POLN: variants seen among roughly 807,000 people sequenced by gnomAD.
POLN encodes DNA polymerase nu.
Under a neutral mutation model 113.5 loss-of-function variants are expected in POLN, and 108 were observed. The ratio of observed to expected loss-of-function variants is 0.95; its 90% CI spans 0.81 to 1.12. The LOEUF (loss-of-function observed/expected upper bound fraction) is 1.12. Among genes scored for constraint, POLN ranks in the 50% most tolerant of loss-of-function variants. The probability of loss-of-function intolerance (pLI) is 0.00; values close to 1 mark genes in which losing one functional copy is unlikely to be tolerated. For synonymous variants in POLN, 386 were observed against 391.5 expected, an observed-to-expected ratio of 0.99 and a Z score of 0.17; for missense variants, 1,097 against 1,077.1, an observed-to-expected ratio of 1.02 and a Z score of -0.26.
chr4:2,093,862 G>A lies in POLN; in HGVS notation c.2065+1989C>T, dbSNP rs1248222107. On this transcript the variant is annotated intron_variant, in intron 20 of 25. Transcript: ENST00000511885. This position sits in a 1 kb window ranked among gnomAD's most constrained non-coding sequence, Gnocchi z 4.1. ...TCAAAATGTTTTCAAAAGTGGAGCTGAGACCACCAAGTCCACTAATTTGTT... is the reference window on the plus strand; with the variant it reads ...TCAAAATGTTTTCAAAAGTGGAGCTAAGACCACCAAGTCCACTAATTTGTT... 1.3e-5 allele frequency among the ~76,000 whole-genome samples: 2 copies of A among 152,204 alleles called. No homozygotes were observed. The highest frequency in any genetic ancestry group is 1.5e-5 in the Non-Finnish European group (1 of 68,034).
rs1730164199 is a variant in POLN, at chr4:2,072,253, A to G, written c.2564T>C (p.Leu855Pro). 2.5e-6 allele frequency: 4 copies of G among 1,598,130 alleles called. No individual in the cohort carries two copies. Among genetic ancestry groups the G allele is most frequent in the Non-Finnish European group, 3.4e-6 (4 of 1,171,932 alleles). Residue 855 changes from leucine (L) to proline (P), a missense_variant, in exon 26 of 26, where the codon CTG (leucine) becomes CCG (proline). Coordinates refer to ENST00000511885, the MANE Select transcript of POLN (RefSeq NM_181808.4). The part of the protein sequence containing the change: ...SLSAGRSWGH[L>P]VPLQEAWGPP... ...GCCCCAGGCCTCCTGCAGTGGCACC[A>G]GGTGTCCCCATGAGCGGCCGGCACT...
At chr4:2,181,556 G>T (rs935382528) in intron 7 of POLN, among the ~76,000 whole-genome samples, 2 of 151,786 alleles carry the variant, frequency 1.3e-5, no homozygotes, top group Admixed American at 1.3e-4. Context: ...AACTGAAAAT[G>T]GATTCTGGAT....
chr4:2,236,400 C>T, intron 2 of POLN: 1 of 1,613,756 alleles, frequency 6.2e-7, no homozygotes, highest in Non-Finnish European at 8.5e-7. Flanking sequence ...CTCAAGGTTT[C>T]CATGAGTTAG....
chr4:2,194,456 G>A (rs1382779205), intron 6 of POLN, among the ~76,000 whole-genome samples: 2 of 152,098 alleles, frequency 1.3e-5, no homozygotes, highest in South Asian at 2.1e-4. Flanking sequence ...CTTGAAAAGG[G>A]CGACCAGGAT....
intron 2 of POLN, among the ~76,000 whole-genome samples, chr4:2,235,938 GA>G (rs888972073): frequency 2.0e-5 from 3 of 149,540 alleles, no homozygotes; most frequent in African/African-American, 4.9e-5. Context: ...TAAGATGAGT[GA>G]AAAAAAAATA....
At chr4:2,081,330 G>A (rs559982541) in intron 22 of POLN, 7 of 758,354 alleles carry the variant, frequency 9.2e-6, no homozygotes, top group East Asian at 2.8e-5. Context: ...AAGGAACTGA[G>A]CTCCAGGTCT....
intron 11 of POLN, among the ~76,000 whole-genome samples, chr4:2,172,112 C>T (rs188594529): frequency 5.3e-5 from 8 of 152,156 alleles, no homozygotes; most frequent in South Asian, 4.1e-4. Context: ...AAAAGCTAAT[C>T]GATCCCACTA....
chr4:2,190,085 C>T (rs907956347), intron 7 of POLN, among the ~76,000 whole-genome samples: 5 of 150,672 alleles, frequency 3.3e-5, no homozygotes, highest in Non-Finnish European at 5.9e-5. Context: ...GAACCAAACA[C>T]CCTGAATAGC....
At chr4:2,095,144 T>G (rs1302745718) in intron 20 of POLN, among the ~76,000 whole-genome samples, 3 of 128,446 alleles carry the variant, frequency 2.3e-5, no homozygotes, top group Admixed American at 8.6e-5. Flanking sequence ...GAAGGGTGAG[T>G]GGAAGAGAGT....
chr4:2,125,970 T>G (rs1731569010), intron 19 of POLN, among the ~76,000 whole-genome samples: 1 of 152,086 alleles, frequency 6.6e-6, no homozygotes, highest in Non-Finnish European at 1.5e-5. Context: ...AGGCCACTCA[T>G]GTGAAAGGAC....
chr4:2,226,400 T>C (rs1002937949), intron 3 of POLN, among the ~76,000 whole-genome samples: 2 of 152,242 alleles, frequency 1.3e-5, no homozygotes, highest in Admixed American at 6.5e-5. Context: ...TAATTTAAAA[T>C]GCCCATGATT....
rs529795822 is a variant in POLN, at chr4:2,131,105, A to G, written c.1789+128T>C. On this transcript the variant is annotated intron_variant, in intron 17 of 25. Transcript: ENST00000511885. The stretch of plus-strand genomic sequence containing the variant: ...GAGATTGAGGTGGGAGAATCACCTG[A>G]GCCCAGGAGGTCAAGGCTGCAGTGA... The G allele has an allele frequency of 4.6e-5, 28 of 612,918 alleles. No individual in the cohort carries two copies. The African/African-American group carries it at 5.1e-4, about 11-fold the overall frequency. The allele number at this position is 612,918 out of a possible 1,614,324, so 38.0% of individuals were successfully genotyped here.
rs759297755 is a variant in POLN, at chr4:2,238,841, T to G, written c.-13+2679A>C. ...TTTTATTAATTGATTTAAAACTAAC[T>G]CTTGTCTTGCTGTATAATAATCTTG... On this transcript the variant is annotated intron_variant, in intron 2 of 25. Transcript: ENST00000511885. The G allele has an allele frequency of 8.7e-6, 14 of 1,613,084 alleles. No individual in the cohort carries two copies. In the South Asian group the frequency reaches 1.4e-4, roughly 16 times the overall value.
chr4:2,135,432 C>T (rs748289901), intron 16 of POLN, among the ~76,000 whole-genome samples: 2 of 152,220 alleles, frequency 1.3e-5, no homozygotes, highest in Non-Finnish European at 2.9e-5. Context: ...CTGTGAATGT[C>T]TGTTCATGTG....
chr4:2,223,055 G>C (rs933056573), intron 3 of POLN, among the ~76,000 whole-genome samples: 3 of 152,192 alleles, frequency 2.0e-5, no homozygotes, highest in African/African-American at 7.2e-5. Context: ...TGGCCTTGGA[G>C]ATCAGAAGAA....
chr4:2,134,364 T>C (rs1731800869), intron 16 of POLN, among the ~76,000 whole-genome samples: 1 of 152,210 alleles, frequency 6.6e-6, no homozygotes. Flanking sequence ...TCAAATTAAT[T>C]TGGTGGATGC....
intron 7 of POLN, among the ~76,000 whole-genome samples, chr4:2,192,180 T>A (rs919220518): frequency 2.6e-5 from 4 of 152,020 alleles, no homozygotes; most frequent in Admixed American, 2.0e-4. Flanking sequence ...ATGCCTACTT[T>A]TGTATATGTT....
At chr4:2,078,469 T>G in intron 23 of POLN, 2 of 697,412 alleles carry the variant, frequency 2.9e-6, no homozygotes, top group Non-Finnish European at 3.5e-6. Context: ...TGAATCTTCT[T>G]CTTCTTTTTT....
chr4:2,238,751 A>G, intron 2 of POLN: 2 of 1,613,844 alleles, frequency 1.2e-6, no homozygotes, highest in Middle Eastern at 3.3e-4. Flanking sequence ...TTGACGATAT[A>G]TGTCCCGATG....
Sources: gnomAD v4.1 joint callset for allele counts (sites outside exome capture counted in the v4.1 genomes callset) on GRCh38, gnomAD v4.1.1 for gene constraint, Gnocchi (gnomAD v3.1) non-coding constraint, MANE v1.5 for transcripts, NCBI Gene and HGNC (gene_info 2026-07-23, HGNC 2026-07-21) for gene names.